The following XKR5 variants were observed in gnomAD, a reference collection of about 807,000 sequenced individuals.
XKR5 encodes the protein XK related 5, also known as XK-related protein 5.
XKR5 carries 46 observed loss-of-function variants against 40.8 expected under a neutral mutation model. That is an observed-to-expected ratio of 1.13 (90% CI 0.89 to 1.44). XKR5 has a LOEUF of 1.44. Ranked by LOEUF, XKR5 falls within the 40% of genes most tolerant of loss-of-function variation. XKR5 has a pLI of 0.00. For synonymous variants in XKR5, 466 were observed against 356.1 expected, an observed-to-expected ratio of 1.31 and a Z score of -3.48; for missense variants, 1,169 against 844.7, an observed-to-expected ratio of 1.38 and a Z score of -4.76.
intron 5 of XKR5, among the ~76,000 whole-genome samples, chr8:6,820,688 G>A (rs1193818114): frequency 6.6e-6 from 1 of 152,228 alleles, no homozygotes. Context: ...ACGCTGTTAT[G>A]CTCGGTGTTC....
intron 5 of XKR5, among the ~76,000 whole-genome samples, chr8:6,819,960 T>C (rs912947951): frequency 3.3e-5 from 5 of 150,170 alleles, no homozygotes; most frequent in African/African-American, 1.2e-4. Context: ...TATTTATTTA[T>C]CTTTCAGAGC....
rs765729148 is a variant in XKR5 at position 6,825,289 on chromosome 8, C to A, written c.303G>T (p.Trp101Cys). The A allele has an allele frequency of 3.7e-6, 6 of 1,610,204 alleles. No individual in the cohort carries two copies. The Admixed American group carries it at 6.8e-5, about 18-fold the overall frequency. ...QKELEAPHRGWLQLQEADLSA... is the reference protein window; with the variant it reads ...QKELEAPHRGCLQLQEADLSA... ...ACAGGTCGGCCTCCTGCAGCTGCAGCCAGCCTCGGTGGGGAGCCTCCAGTT... is the reference window on the plus strand; with the variant it reads ...ACAGGTCGGCCTCCTGCAGCTGCAGACAGCCTCGGTGGGGAGCCTCCAGTT... Residue 101 changes from tryptophan to cysteine, a missense_variant, in exon 3 of 7, where the codon TGG (tryptophan) becomes TGT (cysteine). Transcript: ENST00000618742.
intron 1 of XKR5, among the ~76,000 whole-genome samples, chr8:6,834,067 C>T (rs2117126930): frequency 6.6e-6 from 1 of 152,242 alleles, no homozygotes; most frequent in Middle Eastern, 3.4e-3. Context: ...CCCTTTTCTC[C>T]TACTTTCACA....
intron 4 of XKR5, among the ~76,000 whole-genome samples, chr8:6,823,076 G>A (rs1804310675): frequency 6.6e-6 from 1 of 152,172 alleles, no homozygotes; most frequent in Admixed American, 6.5e-5. Flanking sequence ...GGAGTGTTGA[G>A]GGCTGGGATG....
chr8:6,811,121 G>A lies in XKR5; in HGVS notation c.*77C>T. The A allele has an allele frequency of 2.9e-6, 4 of 1,382,414 alleles. No homozygotes were observed. The highest frequency in any genetic ancestry group is 2.9e-6 in the Non-Finnish European group (3 of 1,038,072). 85.6% of individuals were successfully genotyped at this position (1,382,414 alleles called of 1,614,324 possible). A position where few individuals can be genotyped will look rare whatever the true frequency, so the allele number is the denominator to read the frequency against. On this transcript the variant is annotated 3_prime_UTR_variant, in exon 7 of 7. Transcript: ENST00000618742. ...GTGCCCAAGGACACAGGTGTCAGAA[G>A]TGGGATTTCCTTTCTCACGGTACCA...
chr8:6,819,966 A>G (rs1804160510), intron 5 of XKR5, among the ~76,000 whole-genome samples: 1 of 150,130 alleles, frequency 6.7e-6, no homozygotes, highest in Admixed American at 6.6e-5. Flanking sequence ...TTTATCTTTC[A>G]GAGCATCTAC....
chr8:6,814,328 C>T (rs1803866039), intron 6 of XKR5, among the ~76,000 whole-genome samples: 1 of 152,204 alleles, frequency 6.6e-6, no homozygotes, highest in Non-Finnish European at 1.5e-5. Context: ...CAAGGAGCAA[C>T]CCGGGAGGCT....
intron 5 of XKR5, among the ~76,000 whole-genome samples, chr8:6,821,170 T>A: frequency 6.6e-6 from 1 of 152,170 alleles, no homozygotes; most frequent in East Asian, 1.9e-4. Context: ...TGCAAGTTTT[T>A]TCTGACTCTA....
At position 6,812,232 on chromosome 8, in the gene XKR5, C is replaced by G. The variant is rs1157069877; in HGVS notation, c.1027G>C (p.Glu343Gln). 2 of 1,552,334 alleles carry G rather than the reference C, an allele frequency of 1.3e-6. No individual in the cohort carries two copies. The highest frequency in any genetic ancestry group is 1.2e-5 in the South Asian group (1 of 84,088). ...SCGIAGGDKT[E>Q]RRDSPRATDL... ...GTGGCCCGGGGAGAATCTCTTCTCTCTGTTTTATCACCTCCTGCAATGCCA... is the reference window on the plus strand; with the variant it reads ...GTGGCCCGGGGAGAATCTCTTCTCTGTGTTTTATCACCTCCTGCAATGCCA... Residue 343 changes from glutamate to glutamine, a missense_variant, in exon 7 of 7, where the codon GAG becomes CAG. Coordinates refer to ENST00000618742, the MANE Select transcript of XKR5 (RefSeq NM_207411.5).
intron 6 of XKR5, among the ~76,000 whole-genome samples, chr8:6,813,613 C>G (rs1412533590): frequency 2.0e-5 from 3 of 152,168 alleles, no homozygotes; most frequent in African/African-American, 4.8e-5. Flanking sequence ...TCCCAAGGGT[C>G]GGCTGGGAGT....
intron 6 of XKR5, among the ~76,000 whole-genome samples, chr8:6,813,751 C>G (rs1055327641): frequency 6.6e-6 from 1 of 152,176 alleles, no homozygotes; most frequent in Non-Finnish European, 1.5e-5. Flanking sequence ...TGGCTATGGA[C>G]TCCCTACTCA....
chr8:6,813,581 G>A (rs1803832552), intron 6 of XKR5, among the ~76,000 whole-genome samples: 1 of 152,172 alleles, frequency 6.6e-6, no homozygotes, highest in South Asian at 2.1e-4. Context: ...TACAATTTGG[G>A]TTCAATCTTC....
Position 6,815,853 on chromosome 8 carries a change from C to T in XKR5, c.873G>A (p.Trp291Ter), listed in dbSNP as rs776794954. ...LATDFLQGAS[W>*]TSLQTIAGVL... ...CCCCAGCTATGGTCTGCAGGCTGGTCCACGATGCCCCCTGGAGAAAGTCGG... is the reference window on the plus strand; with the variant it reads ...CCCCAGCTATGGTCTGCAGGCTGGTTCACGATGCCCCCTGGAGAAAGTCGG... The change falls in exon 6 of 7, where the codon TGG becomes TGA. Residue 291 changes from tryptophan (W) to a stop codon, truncating the protein, a stop_gained. Transcript: ENST00000618742. LOFTEE classifies it low-confidence loss of function (END_TRUNC). 2 of 1,605,474 alleles carry T rather than the reference C, an allele frequency of 1.2e-6. No individual in the cohort carries two copies. Among genetic ancestry groups the T allele is most frequent in the Non-Finnish European group, 1.7e-6 (2 of 1,176,122 alleles).
chr8:6,817,610 G>T (rs920969434), intron 5 of XKR5, among the ~76,000 whole-genome samples: 1 of 152,260 alleles, frequency 6.6e-6, no homozygotes, highest in Middle Eastern at 3.4e-3. Flanking sequence ...CTGAGAAAGC[G>T]CAGTGCTGCC....
intron 5 of XKR5, among the ~76,000 whole-genome samples, chr8:6,821,097 C>T (rs548372154): frequency 3.3e-5 from 5 of 152,290 alleles, no homozygotes; most frequent in African/African-American, 9.6e-5. Flanking sequence ...AAAGTAGGTT[C>T]AGACAGTTTA....
In XKR5 at chr8:6,809,614, G is replaced by A. The variant is rs1177244526; in HGVS notation, c.*1584C>T. On this transcript the variant is annotated 3_prime_UTR_variant, in exon 7 of 7. Coordinates refer to ENST00000618742, the MANE Select transcript of XKR5 (RefSeq NM_207411.5). ...CAAAGTCTCGTTATCTTCACCTGTT[G>A]TATGGAAAGTTTGTAGCCACTTGTC... The A allele has an allele frequency of 6.6e-6, 1 of 152,152 alleles. No homozygotes were observed. The highest frequency in any genetic ancestry group is 2.4e-5 in the African/African-American group (1 of 41,440). 9.4% of individuals were successfully genotyped at this position (152,152 alleles called of 1,614,324 possible). A position where few individuals can be genotyped will look rare whatever the true frequency, so the allele number is the denominator to read the frequency against.
chr8:6,814,837 C>A (rs973761580), intron 6 of XKR5, among the ~76,000 whole-genome samples: 58 of 152,318 alleles, frequency 3.8e-4, no homozygotes, highest in African/African-American at 1.4e-3. Context: ...GACCCGTGAA[C>A]AGCCCCTGCA....
chr8:6,814,916 A>C (rs1803890821), intron 6 of XKR5, among the ~76,000 whole-genome samples: 1 of 152,074 alleles, frequency 6.6e-6, no homozygotes, highest in Non-Finnish European at 1.5e-5. Flanking sequence ...GCCACATCCA[A>C]CCCCCGGCTG....
intron 6 of XKR5, 59 bp downstream of exon 6, chr8:6,815,748 T>A: frequency 9.3e-7 from 1 of 1,074,020 alleles, no homozygotes; most frequent in Non-Finnish European, 1.3e-6. Flanking sequence ...GAGCCCATTG[T>A]AAAAAAAAAA....
Sources: allele counts gnomAD v4.1 joint callset (sites outside exome capture counted in the v4.1 genomes callset), GRCh38; gene constraint gnomAD v4.1.1; transcripts MANE v1.5; gene names NCBI Gene and HGNC (gene_info 2026-07-23, HGNC 2026-07-21).